RPS6KB1: variants seen among roughly 807,000 people sequenced by gnomAD.
RPS6KB1 encodes the protein ribosomal protein S6 kinase B1, also known as ribosomal protein S6 kinase beta-1.
RPS6KB1 carries 12 observed loss-of-function variants against 70.2 expected under a neutral mutation model. The observed-to-expected ratio is 0.17, with a 90% CI of 0.11 to 0.28. The LOEUF (loss-of-function observed/expected upper bound fraction) is 0.28. RPS6KB1 is among the 10% of genes least tolerant of loss of function. The pLI is 1.00. For synonymous variants in RPS6KB1, 175 were observed against 211.2 expected (o/e 0.83, Z 1.49); for missense variants, 270 against 646.6 (o/e 0.42, Z 6.32).
In RPS6KB1 at chr17:59,914,684, C is replaced by A; in HGVS notation, c.362C>A (p.Ala121Asp). ...VTGANTGKIF[A>D]MKVLKKAMIV... ...GGAGCAAATACTGGGAAAATATTTGCCATGAAGGTGCTTAAAAAGGTGATT... is the reference window on the plus strand; with the variant it reads ...GGAGCAAATACTGGGAAAATATTTGACATGAAGGTGCTTAAAAAGGTGATT... The change falls in exon 4 of 15, where the codon GCC (alanine) becomes GAC (aspartate). Residue 121 changes from alanine to aspartate, a missense_variant. This residue lies in a region of RPS6KB1 where 44 missense variants were observed against 102.5 expected (regional missense o/e 0.43). Transcript: ENST00000225577. The A allele has an allele frequency of 6.2e-7, 1 of 1,611,442 alleles. No homozygotes were observed. The highest frequency in any genetic ancestry group is 8.5e-7 in the Non-Finnish European group (1 of 1,178,990).
chr17:59,943,890 T>TTATATATA (rs34821995), intron 13 of RPS6KB1, among the ~76,000 whole-genome samples: 7 of 132,428 alleles, frequency 5.3e-5, no homozygotes, highest in African/African-American at 1.1e-4. Flanking sequence ...AAAAAAAAAA[T>TTATATATA]TATATATATA....
At chr17:59,916,568 T>G (rs142183435) in intron 4 of RPS6KB1, among the ~76,000 whole-genome samples, 2 of 152,366 alleles carry the variant, frequency 1.3e-5, no homozygotes, top group African/African-American at 4.8e-5. Context: ...TGATCAGGCT[T>G]ATAAGATAAT....
intron 5 of RPS6KB1, among the ~76,000 whole-genome samples, chr17:59,928,718 G>A (rs994015601): frequency 6.6e-6 from 1 of 152,150 alleles, no homozygotes; most frequent in Non-Finnish European, 1.5e-5. Flanking sequence ...ATCAGAAATA[G>A]GAAATTAACA....
At chr17:59,912,955 A>G in intron 3 of RPS6KB1, 151 bp downstream of exon 3, 1 of 819,478 alleles carries the variant, frequency 1.2e-6, no homozygotes, top group South Asian at 1.8e-5. Context: ...GGATGTACAG[A>G]AGTTCAGTTT....
intron 13 of RPS6KB1, among the ~76,000 whole-genome samples, chr17:59,942,336 C>G (rs1482328814): frequency 6.6e-6 from 1 of 152,178 alleles, no homozygotes; most frequent in Non-Finnish European, 1.5e-5. Context: ...GTAGAAATGT[C>G]TGTATAGATT....
chr17:59,915,802 T>TTC (rs2042926033), intron 4 of RPS6KB1, among the ~76,000 whole-genome samples: 1 of 143,202 alleles, frequency 7.0e-6, no homozygotes, highest in African/African-American at 2.6e-5. Context: ...TTTTTTTTAT[T>TTC]GTGACAGAGT....
chr17:59,931,529 T>G, intron 6 of RPS6KB1, 93 bp from the exon 7 acceptor site: 1 of 941,492 alleles, frequency 1.1e-6, no homozygotes, highest in Non-Finnish European at 1.7e-6. Flanking sequence ...CTTTGGTGCA[T>G]GTCTGTTTCT....
intron 1 of RPS6KB1, among the ~76,000 whole-genome samples, chr17:59,895,901 G>A (rs529515570): frequency 4.9e-4 from 74 of 152,230 alleles, no homozygotes; most frequent in Middle Eastern, 3.4e-3. Flanking sequence ...TCAAAGTGCT[G>A]GGATTACAGG....
chr17:59,923,817 T>C (rs2144897560), intron 4 of RPS6KB1, among the ~76,000 whole-genome samples: 1 of 152,062 alleles, frequency 6.6e-6, no homozygotes, highest in South Asian at 2.1e-4. Flanking sequence ...CACATTCTTC[T>C]TTCAGTTCAT....
chr17:59,911,620 C>G (rs987196078), intron 2 of RPS6KB1, among the ~76,000 whole-genome samples: 3 of 146,978 alleles, frequency 2.0e-5, no homozygotes, highest in Non-Finnish European at 4.5e-5. Context: ...TCTCGGCCCA[C>G]TGCAACCTCT....
Position 59,947,229 on chromosome 17 carries a change from C to T in RPS6KB1, c.*441C>T, listed in dbSNP as rs971997936. 23 of 1,026,968 alleles carry T rather than the reference C, an allele frequency of 2.2e-5. No individual in the cohort carries two copies. The highest frequency in any genetic ancestry group is 3.4e-5 in the African/African-American group (2 of 58,582). 63.6% of individuals were successfully genotyped at this position (1,026,968 alleles called of 1,614,324 possible). On this transcript the variant is annotated 3_prime_UTR_variant, in exon 15 of 15. Transcript: ENST00000225577. ...CATGCAAGCTTGGTCAAACTTTTTC[C>T]AGCAAAATGGAAGCAAAGACAAAAG...
rs1418917113 is a variant in RPS6KB1, at chr17:59,949,720, A to AT, written c.*2938dup. 2.0e-5 allele frequency: 3 copies of AT among 152,308 alleles called. No homozygotes were observed. Among genetic ancestry groups the AT allele is most frequent in the African/African-American group, 7.3e-5 (3 of 41,362 alleles). The allele number at this position is 152,308 out of a possible 1,614,324, so 9.4% of individuals were successfully genotyped here. A position where few individuals can be genotyped will look rare whatever the true frequency, so the allele number is the denominator to read the frequency against. On this transcript the variant is annotated 3_prime_UTR_variant, in exon 15 of 15. Transcript: ENST00000225577. ...CCTTCAAGAAGGATTTTTCCATACT[A>AT]TTTTTTAAGATAGAAGATAATTTGT...
intron 1 of RPS6KB1, among the ~76,000 whole-genome samples, chr17:59,904,365 C>T (rs974530522): frequency 2.0e-5 from 3 of 151,514 alleles, no homozygotes; most frequent in African/African-American, 4.9e-5. Flanking sequence ...AGGCGTGAGC[C>T]ACTGCGCACA....
chr17:59,939,716 G>A (rs1242468341), intron 12 of RPS6KB1, among the ~76,000 whole-genome samples: 2 of 152,196 alleles, frequency 1.3e-5, no homozygotes, highest in Non-Finnish European at 2.9e-5. Context: ...AGCAAAATAA[G>A]GAAACTGGTG....
chr17:59,894,557 A>G (rs996723749), intron 1 of RPS6KB1, among the ~76,000 whole-genome samples: 3 of 152,162 alleles, frequency 2.0e-5, no homozygotes, highest in Non-Finnish European at 4.4e-5. Context: ...AGAATTTTGA[A>G]CACTTTAAGA....
At chr17:59,900,887 C>T (rs549898259) in intron 1 of RPS6KB1, among the ~76,000 whole-genome samples, 135 of 151,644 alleles carry the variant, frequency 8.9e-4, no homozygotes, top group African/African-American at 2.9e-3. Context: ...CTCGGCCGGG[C>T]GCAGTGGCTC....
chr17:59,914,731 T>G, intron 4 of RPS6KB1, 28 bp downstream of exon 4: 1 of 1,453,716 alleles, frequency 6.9e-7, no homozygotes, highest in African/African-American at 1.4e-5. Context: ...TTTTTAGTCC[T>G]CACACACCAT....
At position 59,946,760 on chromosome 17, in the gene RPS6KB1, G is replaced by A. The variant is rs1455802572; in HGVS notation, c.1550G>A (p.Arg517Gln). 3.7e-6 allele frequency: 6 copies of A among 1,614,030 alleles called. No individual in the cohort carries two copies. Among genetic ancestry groups the A allele is most frequent in the Non-Finnish European group, 5.1e-6 (6 of 1,179,994 alleles). Residue 517 changes from arginine (R) to glutamine (Q), a missense_variant, in exon 15 of 15, where the codon CGG becomes CAG. Coordinates refer to ENST00000225577, the MANE Select transcript of RPS6KB1 (RefSeq NM_003161.4). This position sits in a 1 kb window ranked among gnomAD's most constrained non-coding sequence, Gnocchi z 4.2. ...CAAGCTTTTCCCATGATCTCCAAAC[G>A]GCCAGAGCACCTGCGTATGAATCTA... ...KKQAFPMISKRPEHLRMNL is the reference protein window; with the variant it reads ...KKQAFPMISKQPEHLRMNL
At chr17:59,908,920 ATTTT>A (rs1405952501) in intron 1 of RPS6KB1, among the ~76,000 whole-genome samples, 3 of 101,718 alleles carry the variant, frequency 2.9e-5, no homozygotes, top group Non-Finnish European at 3.9e-5. Flanking sequence ...GCCCGGCCAA[ATTTT>A]TTTTTTTTTT....
Sources: gnomAD v4.1 joint callset for allele counts (sites outside exome capture counted in the v4.1 genomes callset) on GRCh38, gnomAD v4.1.1 for gene constraint, gnomAD v4.1.1 regional missense constraint, Gnocchi (gnomAD v3.1) non-coding constraint, MANE v1.5 for transcripts, NCBI Gene and HGNC (gene_info 2026-07-23, HGNC 2026-07-21) for gene names.